Variants in RTN4 observed in about 807,000 individuals in gnomAD.
RTN4 encodes reticulon-4.
Under a neutral mutation model 90.4 loss-of-function variants are expected in RTN4, and 32 were observed. The ratio of observed to expected loss-of-function variants is 0.35; its 90% confidence interval spans 0.27 to 0.48. The LOEUF is 0.48. Among genes scored for constraint, RTN4 ranks in the 20% least tolerant of loss-of-function variants. The probability of loss-of-function intolerance (pLI) is 0.99; values close to 1 mark genes in which losing one functional copy is unlikely to be tolerated. For missense variants in RTN4, 1,706 were observed against 1,430.2 expected (o/e 1.19, Z -3.11); for synonymous variants, 629 against 552.5 (o/e 1.14, Z -1.94).
intron 1 of RTN4, among the ~76,000 whole-genome samples, chr2:55,108,642 G>A (rs1046294082): frequency 1.3e-5 from 2 of 152,048 alleles, no homozygotes; most frequent in African/African-American, 2.4e-5. Context: ...AGAAGCCACA[G>A]GGCCATGCCC....
chr2:55,049,434 G>T, intron 1 of RTN4: 1 of 417,706 alleles, frequency 2.4e-6, no homozygotes, highest in Non-Finnish European at 4.6e-6. Context: ...TATATACCCG[G>T]CTCCTACTAC....
At chr2:55,012,047 C>T (rs1167917978) in intron 3 of RTN4, among the ~76,000 whole-genome samples, 1 of 152,164 alleles carries the variant, frequency 6.6e-6, no homozygotes, top group Non-Finnish European at 1.5e-5. Context: ...TCCCTTAAAA[C>T]TGAAAGCCAA....
chr2:54,988,999 CTCTT>C lies in RTN4; in HGVS notation c.3014-1305_3014-1302del, dbSNP rs1279259834. Among the ~76,000 whole-genome samples, 47 of 152,316 alleles carry C rather than the reference CTCTT, an allele frequency of 3.1e-4. 1 individual carries two copies. Among genetic ancestry groups the C allele is most frequent in the African/African-American group, 1.1e-3 (44 of 41,574 alleles). Reference sequence around the variant, plus strand: ...AAAATTTATAGTAAATATGGATATACTCTTTCTAAGAAGAGGTGACATCAAAGAA... The same window carrying C: ...AAAATTTATAGTAAATATGGATATACTCTAAGAAGAGGTGACATCAAAGAA... On this transcript the variant is annotated intron_variant, in intron 3 of 8. Coordinates refer to ENST00000337526, the MANE Select transcript of RTN4 (RefSeq NM_020532.5).
intron 3 of RTN4, among the ~76,000 whole-genome samples, chr2:55,007,854 C>T (rs1391234044): frequency 1.3e-5 from 2 of 151,964 alleles, no homozygotes; most frequent in Non-Finnish European, 2.9e-5. Context: ...CTGTTCTACC[C>T]AGAAAGTTAT....
intron 2 of RTN4, among the ~76,000 whole-genome samples, chr2:55,066,719 A>AATAT (rs1160020093): frequency 6.6e-6 from 1 of 151,622 alleles, no homozygotes; most frequent in African/African-American, 2.4e-5. Flanking sequence ...TAAATAAATA[A>AATAT]ATAAATAAAT....
At chr2:55,081,079 T>C (rs1668705198) in intron 1 of RTN4, among the ~76,000 whole-genome samples, 1 of 152,062 alleles carries the variant, frequency 6.6e-6, no homozygotes, top group African/African-American at 2.4e-5. Flanking sequence ...CATTCTTACA[T>C]TCTTTCTTAT....
intron 1 of RTN4, among the ~76,000 whole-genome samples, chr2:55,106,472 T>C (rs2105062318): frequency 6.6e-6 from 1 of 152,244 alleles, no homozygotes; most frequent in East Asian, 1.9e-4. Flanking sequence ...GGATAAGTGA[T>C]AATGACAAAT....
intron 1 of RTN4, among the ~76,000 whole-genome samples, chr2:55,085,341 A>G (rs1447216465): frequency 7.4e-6 from 1 of 135,802 alleles, no homozygotes; most frequent in Non-Finnish European, 1.7e-5. Flanking sequence ...AGAAGGAGAG[A>G]GAGGTAGATA....
At chr2:55,068,591 A>C (rs1668434114) in intron 2 of RTN4, among the ~76,000 whole-genome samples, 1 of 146,848 alleles carries the variant, frequency 6.8e-6, no homozygotes, top group African/African-American at 2.5e-5. Context: ...TTTTTGATTA[A>C]AGTTCTGCTG....
At chr2:54,985,693 A>G (rs1287316610) in intron 4 of RTN4, among the ~76,000 whole-genome samples, 1 of 152,212 alleles carries the variant, frequency 6.6e-6, no homozygotes, top group Non-Finnish European at 1.5e-5. Flanking sequence ...AGCCAGAGAA[A>G]AATCACCAGT....
At chr2:55,017,748 T>C (rs1447655128) in intron 3 of RTN4, among the ~76,000 whole-genome samples, 2 of 152,128 alleles carry the variant, frequency 1.3e-5, no homozygotes, top group East Asian at 1.9e-4. Flanking sequence ...CTCCACATAC[T>C]AGCAACAGAA....
chr2:54,972,556 T>TG lies in RTN4; in HGVS notation c.*599dup, dbSNP rs1677147544. The TG allele has an allele frequency of 6.5e-6, 1 of 152,680 alleles. No homozygotes were observed. Among genetic ancestry groups the TG allele is most frequent in the African/African-American group, 2.4e-5 (1 of 41,464 alleles). 9.5% of individuals were successfully genotyped at this position (152,680 alleles called of 1,614,324 possible). ...TGACTGACTCTGAAATATCAAGCACTGTGGGGTGGCTGGAAGGTAAAGGTC... is the reference window on the plus strand; with the variant it reads ...TGACTGACTCTGAAATATCAAGCACTGGTGGGGTGGCTGGAAGGTAAAGGTC... On this transcript the variant is annotated 3_prime_UTR_variant, in exon 9 of 9. Coordinates refer to ENST00000337526, the MANE Select transcript of RTN4 (RefSeq NM_020532.5).
chr2:55,084,016 G>A (rs548205122), intron 1 of RTN4, among the ~76,000 whole-genome samples: 1 of 152,208 alleles, frequency 6.6e-6, no homozygotes, highest in Admixed American at 6.5e-5. Flanking sequence ...TGGAAGGGGG[G>A]TGGTCACCAG....
At chr2:55,103,009 T>C (rs750759416) in intron 1 of RTN4, among the ~76,000 whole-genome samples, 28 of 148,084 alleles carry the variant, frequency 1.9e-4, no homozygotes, top group Non-Finnish European at 3.4e-4. Context: ...TCCCAGCTAC[T>C]AGGGAGGCTG....
intron 2 of RTN4, among the ~76,000 whole-genome samples, chr2:55,027,815 C>G (rs1403141502): frequency 1.3e-5 from 2 of 151,984 alleles, no homozygotes; most frequent in Non-Finnish European, 2.9e-5. Context: ...GTTTCGGTGA[C>G]AGCATAGGAA....
intron 3 of RTN4, among the ~76,000 whole-genome samples, chr2:54,988,475 A>C (rs1678751755): frequency 6.6e-6 from 1 of 152,210 alleles, no homozygotes; most frequent in African/African-American, 2.4e-5. Flanking sequence ...TAAATTTAAA[A>C]AGGCCGAGAT....
rs771788475 is a variant in RTN4, at chr2:54,987,696, C to T, written c.3016G>A (p.Val1006Ile). Reference sequence around the variant, plus strand: ...ATGTCTCTCCAGTACAGGAGGTCAACAACTAAAAATTGAAAAAGAAATCTG... The same window carrying T: ...ATGTCTCTCCAGTACAGGAGGTCAATAACTAAAAATTGAAAAAGAAATCTG... ...FSAELSKTSVVDLLYWRDIKK... is the reference protein window; with the variant it reads ...FSAELSKTSVIDLLYWRDIKK... Residue 1006 changes from valine (V) to isoleucine (I), a missense_variant and splice_region_variant, in exon 4 of 9, where the codon GTT becomes ATT. By Grantham distance (29) the Val-to-Ile change is conservative (BLOSUM62 3). Coordinates refer to ENST00000337526, the MANE Select transcript of RTN4 (RefSeq NM_020532.5). 8.7e-6 allele frequency: 14 copies of T among 1,610,030 alleles called. No individual in the cohort carries two copies. The South Asian group carries it at 1.1e-4, about 13-fold the overall frequency.
chr2:55,040,436 A>ACTTTT (rs1213399744), intron 1 of RTN4, among the ~76,000 whole-genome samples: 9 of 152,186 alleles, frequency 5.9e-5, no homozygotes, highest in Admixed American at 3.3e-4. Context: ...TTAAAAAAAA[A>ACTTTT]AAGTTGTAAC....
chr2:54,974,898 G>A (rs1481898861), intron 5 of RTN4, 134 bp from the exon 6 acceptor site: 4 of 664,772 alleles, frequency 6.0e-6, no homozygotes, highest in Non-Finnish European at 1.1e-5. Flanking sequence ...AGTACCATGA[G>A]CAGTTCACTA....
Sources: gnomAD v4.1 joint callset for allele counts (sites outside exome capture counted in the v4.1 genomes callset) on GRCh38, gnomAD v4.1.1 for gene constraint, MANE v1.5 for transcripts, NCBI Gene and HGNC (gene_info 2026-07-23, HGNC 2026-07-21) for gene names.